Variants in FRMD4B observed in about 807,000 individuals in gnomAD.
The protein encoded by FRMD4B is FERM domain-containing protein 4B.
Under a neutral mutation model 141.5 loss-of-function variants are expected in FRMD4B, and 74 were observed. That is an observed-to-expected ratio of 0.52 (90% confidence interval 0.43 to 0.63). The LOEUF is 0.63. FRMD4B is among the 30% of genes least tolerant of loss of function. The pLI is 0.00. For synonymous variants in FRMD4B, 506 were observed against 467.9 expected (o/e 1.08, Z -1.05); for missense variants, 1,366 against 1,253.4 (o/e 1.09, Z -1.36).
At chr3:69,253,984 G>C (rs1434681435) in intron 5 of FRMD4B, among the ~76,000 whole-genome samples, 2 of 152,180 alleles carry the variant, frequency 1.3e-5, no homozygotes, top group African/African-American at 4.8e-5. Flanking sequence ...GGAGGCTGAG[G>C]TGGGAGGATG....
intron 1 of FRMD4B, among the ~76,000 whole-genome samples, chr3:69,366,241 C>A (rs532662140): frequency 6.8e-6 from 1 of 148,080 alleles, no homozygotes; most frequent in African/African-American, 2.5e-5. Context: ...ACCTAGGCAA[C>A]AGAGCAAGGC....
At chr3:69,298,831 T>C (rs538829552) in intron 4 of FRMD4B, among the ~76,000 whole-genome samples, 1 of 152,126 alleles carries the variant, frequency 6.6e-6, no homozygotes, top group Non-Finnish European at 1.5e-5. Flanking sequence ...CCTAATGGAG[T>C]TTTCTCCATA....
At chr3:69,295,191 A>C (rs1329922327) in intron 4 of FRMD4B, among the ~76,000 whole-genome samples, 1 of 152,228 alleles carries the variant, frequency 6.6e-6, no homozygotes, top group African/African-American at 2.4e-5. Flanking sequence ...AGAGGGTGCC[A>C]GAAGCTACAT....
At chr3:69,476,392 C>A (rs1033548168) in intron 1 of FRMD4B, among the ~76,000 whole-genome samples, 10 of 152,002 alleles carry the variant, frequency 6.6e-5, no homozygotes, top group African/African-American at 2.2e-4. Context: ...AAGGTGTAAG[C>A]AAGGGATCCA....
At chr3:69,182,011 GA>G (rs1197839831) in intron 20 of FRMD4B, among the ~76,000 whole-genome samples, 3 of 148,588 alleles carry the variant, frequency 2.0e-5, no homozygotes, top group Admixed American at 6.7e-5. Flanking sequence ...TCACAGCCTG[GA>G]AAAAAAAACA....
intron 1 of FRMD4B, among the ~76,000 whole-genome samples, chr3:69,314,766 T>G (rs539485364): frequency 3.2e-4 from 48 of 152,126 alleles, no homozygotes; most frequent in African/African-American, 1.1e-3. Flanking sequence ...GCCTGGGAGG[T>G]TGAGGTTGCA....
At chr3:69,354,405 T>C (rs1378735851) in intron 1 of FRMD4B, among the ~76,000 whole-genome samples, 1 of 152,132 alleles carries the variant, frequency 6.6e-6, no homozygotes, top group Non-Finnish European at 1.5e-5. Context: ...TTCTCCCTCC[T>C]GAAAAAAAGA....
intron 1 of FRMD4B, among the ~76,000 whole-genome samples, chr3:69,353,319 A>T (rs1280893657): frequency 6.6e-6 from 1 of 152,240 alleles, no homozygotes; most frequent in Non-Finnish European, 1.5e-5. Context: ...GAGCACATCC[A>T]ACTCCGTTTT....
chr3:69,463,658 G>A (rs1705736804), intron 1 of FRMD4B, among the ~76,000 whole-genome samples: 1 of 152,196 alleles, frequency 6.6e-6, no homozygotes, highest in Non-Finnish European at 1.5e-5. Context: ...GTTGGGATTT[G>A]AGCCAGACTG....
chr3:69,197,260 CAT>C (rs1278089873), intron 12 of FRMD4B, among the ~76,000 whole-genome samples: 1 of 152,120 alleles, frequency 6.6e-6, no homozygotes, highest in Non-Finnish European at 1.5e-5. Flanking sequence ...TTTAAAAACA[CAT>C]ACACATGAAC....
chr3:69,484,263 A>T (rs1706177875), intron 1 of FRMD4B, among the ~76,000 whole-genome samples: 1 of 152,220 alleles, frequency 6.6e-6, no homozygotes, highest in East Asian at 1.9e-4. Flanking sequence ...TGTAAGATTG[A>T]CTGCCCGGTC....
intron 11 of FRMD4B, among the ~76,000 whole-genome samples, chr3:69,210,736 G>A (rs72932128): frequency 0.12 from 18,965 of 152,084 alleles, 1,338 homozygotes; most frequent in East Asian, 0.34. Flanking sequence ...GGTGGAGGCC[G>A]GGTGTAGTGG....
chr3:69,469,696 A>G (rs1015650355), intron 1 of FRMD4B, among the ~76,000 whole-genome samples: 2 of 152,234 alleles, frequency 1.3e-5, no homozygotes, highest in Non-Finnish European at 2.9e-5. Context: ...CAATTTATGG[A>G]AAATTAAAGA....
chr3:69,242,839 C>G (rs975608601), intron 7 of FRMD4B, among the ~76,000 whole-genome samples: 1 of 151,298 alleles, frequency 6.6e-6, no homozygotes, highest in African/African-American at 2.4e-5. Context: ...CTAAAAAATA[C>G]AAAAATTAGC....
intron 1 of FRMD4B, among the ~76,000 whole-genome samples, chr3:69,337,696 C>A (rs1033658570): frequency 5.9e-5 from 9 of 152,124 alleles, no homozygotes; most frequent in African/African-American, 1.9e-4. Context: ...GCCAAAAGAC[C>A]CATGAAAGAA....
At chr3:69,382,658 T>G (rs1704144212) in intron 1 of FRMD4B, among the ~76,000 whole-genome samples, 1 of 151,964 alleles carries the variant, frequency 6.6e-6, no homozygotes, top group South Asian at 2.1e-4. Flanking sequence ...CCATACTCTG[T>G]GCCAATCAGT....
chr3:69,244,562 G>A (rs750355636), intron 7 of FRMD4B, among the ~76,000 whole-genome samples: 5 of 152,124 alleles, frequency 3.3e-5, no homozygotes, highest in Admixed American at 6.6e-5. Context: ...GAACCCAGGA[G>A]GTGGAGGTTG....
At chr3:69,370,565 C>T (rs1450296279) in intron 1 of FRMD4B, among the ~76,000 whole-genome samples, 1 of 152,250 alleles carries the variant, frequency 6.6e-6, no homozygotes, top group African/African-American at 2.4e-5. Flanking sequence ...AATCAGCTTA[C>T]ACTGGCGTGG....
intron 1 of FRMD4B, among the ~76,000 whole-genome samples, chr3:69,448,218 C>T (rs191311323): frequency 2.1e-3 from 323 of 152,004 alleles, no homozygotes; most frequent in African/African-American, 7.3e-3. Flanking sequence ...TTAGTAGAGA[C>T]GATGTTTCAC....
Sources: allele counts gnomAD v4.1 joint callset (sites outside exome capture counted in the v4.1 genomes callset), GRCh38; gene constraint gnomAD v4.1.1; transcripts MANE v1.5; gene names NCBI Gene and HGNC (gene_info 2026-07-23, HGNC 2026-07-21).